Variants in LARGE1 observed in about 807,000 individuals in gnomAD.
The protein encoded by LARGE1 is LARGE xylosyl- and glucuronyltransferase 1.
Under a neutral mutation model 87.6 loss-of-function variants are expected in LARGE1, and 43 were observed. That is an observed-to-expected ratio of 0.49 (90% CI 0.38 to 0.63). The LOEUF (loss-of-function observed/expected upper bound fraction) is 0.63, where lower values mean the gene tolerates loss of function less well. Among genes scored for constraint, LARGE1 ranks in the 30% least tolerant of loss-of-function variants. The probability of loss-of-function intolerance (pLI) is 0.00; values close to 1 mark genes in which losing one functional copy is unlikely to be tolerated. For missense variants in LARGE1, 802 were observed against 1,000.2 expected (o/e 0.80, Z 2.67); for synonymous variants, 434 against 394.6 (o/e 1.10, Z -1.18).
intron 1 of LARGE1, among the ~76,000 whole-genome samples, chr22:33,799,266 C>T (rs1320355067): frequency 2.6e-5 from 4 of 152,012 alleles, no homozygotes; most frequent in Admixed American, 6.6e-5. Flanking sequence ...CATCTGGAGA[C>T]GGGCATACCA....
chr22:33,829,687 C>T (rs1222046774), intron 1 of LARGE1, among the ~76,000 whole-genome samples: 1 of 152,224 alleles, frequency 6.6e-6, no homozygotes, highest in East Asian at 1.9e-4. Flanking sequence ...CCTCCCTGCA[C>T]CTGCACTGCA....
At chr22:33,691,670 T>A (rs573954670) in intron 2 of LARGE1, among the ~76,000 whole-genome samples, 33 of 152,224 alleles carry the variant, frequency 2.2e-4, no homozygotes, top group Non-Finnish European at 4.4e-4. Flanking sequence ...TCCTGGACCA[T>A]CATGGCTGAT....
intron 1 of LARGE1, among the ~76,000 whole-genome samples, chr22:33,884,632 G>A (rs141270096): frequency 2.5e-4 from 38 of 152,342 alleles, no homozygotes; most frequent in African/African-American, 4.8e-4. Context: ...CCAGATTCTC[G>A]AGGTCACGGC....
intron 1 of LARGE1, among the ~76,000 whole-genome samples, chr22:33,833,190 G>C (rs551166546): frequency 3.3e-5 from 5 of 152,318 alleles, no homozygotes; most frequent in Non-Finnish European, 5.9e-5. Flanking sequence ...TGAAACTAAT[G>C]TAATACTGAA....
intron 5 of LARGE1, among the ~76,000 whole-genome samples, chr22:33,596,762 G>T (rs2078986710): frequency 6.6e-6 from 1 of 152,168 alleles, no homozygotes; most frequent in Non-Finnish European, 1.5e-5. Flanking sequence ...AGCCACATTA[G>T]GAACAAAAAG....
chr22:33,631,715 T>A (rs2080115610), intron 3 of LARGE1, among the ~76,000 whole-genome samples: 1 of 152,206 alleles, frequency 6.6e-6, no homozygotes, highest in Non-Finnish European at 1.5e-5. Flanking sequence ...TACACTAAAA[T>A]AATGATAGTA....
intron 9 of LARGE1, among the ~76,000 whole-genome samples, chr22:33,381,425 T>A (rs1350450546): frequency 6.6e-6 from 1 of 152,156 alleles, no homozygotes; most frequent in Non-Finnish European, 1.5e-5. Flanking sequence ...TGAGGAAGAA[T>A]GAGACATTTA....
chr22:33,132,971 C>T, the LARGE1 span, among the ~76,000 whole-genome samples: 1 of 152,148 alleles, frequency 6.6e-6, no homozygotes, highest in Non-Finnish European at 1.5e-5. Context: ...AAAGGTATTT[C>T]CCCTATTGGT....
At chr22:33,903,713 T>A (rs2065352372) in intron 1 of LARGE1, among the ~76,000 whole-genome samples, 1 of 152,008 alleles carries the variant, frequency 6.6e-6, no homozygotes, top group South Asian at 2.1e-4. Context: ...TGATCCCAGC[T>A]ACTTGGGAGG....
At chr22:33,687,817 C>T (rs952674789) in intron 2 of LARGE1, among the ~76,000 whole-genome samples, 2 of 152,194 alleles carry the variant, frequency 1.3e-5, no homozygotes, top group African/African-American at 4.8e-5. Context: ...GTGCTACCCA[C>T]TTAACAAGTA....
rs145852114 is a variant in LARGE1 at position 33,816,674 on chromosome 22, G to GGATGGATAGATAGATA, written c.-82-55117_-82-55116insTATCTATCTATCCATC. On this transcript the variant is annotated intron_variant, in intron 1 of 14. Transcript: ENST00000397394. ...CAGACAGACGGATGCACGGATGGATGGATAGATAGATAGATAGACAGACAG... is the reference window on the plus strand; with the variant it reads ...CAGACAGACGGATGCACGGATGGATGGATGGATAGATAGATAGATAGATAGATAGATAGACAGACAG... Among the ~76,000 whole-genome samples, 9 of 141,436 alleles carry GGATGGATAGATAGATA rather than the reference G, an allele frequency of 6.4e-5. No individual in the cohort carries two copies. The East Asian group carries it at 1.9e-3, about 30-fold the overall frequency. The allele number at this position is 141,436 out of a possible 152,430, so 92.8% of individuals were successfully genotyped here. A position where few individuals can be genotyped will look rare whatever the true frequency, so the allele number is the denominator to read the frequency against.
intron 11 of LARGE1, among the ~76,000 whole-genome samples, chr22:33,249,813 T>C (rs1926932169): frequency 6.6e-6 from 1 of 152,234 alleles, no homozygotes; most frequent in Non-Finnish European, 1.5e-5. Flanking sequence ...TCTGTTGTAT[T>C]GTACTTGCTC....
chr22:33,536,891 A>T (rs914492330), intron 6 of LARGE1, among the ~76,000 whole-genome samples: 11 of 152,196 alleles, frequency 7.2e-5, no homozygotes, highest in African/African-American at 2.4e-4. Flanking sequence ...AGCTCACTAC[A>T]ACCTCTGCCT....
chr22:33,521,949 A>G (rs1429663712), intron 6 of LARGE1, among the ~76,000 whole-genome samples: 2 of 152,180 alleles, frequency 1.3e-5, no homozygotes, highest in African/African-American at 4.8e-5. Context: ...AGGCAAAGGG[A>G]GAACAGGCAA....
intron 2 of LARGE1, among the ~76,000 whole-genome samples, chr22:33,683,189 A>T (rs2081834894): frequency 6.6e-6 from 1 of 152,234 alleles, no homozygotes; most frequent in South Asian, 2.1e-4. Context: ...TCTGGATGAG[A>T]TTAACATTTG....
At chr22:33,384,418 C>T in intron 7 of LARGE1, 114 bp from the exon 8 acceptor site, 1 of 797,404 alleles carries the variant, frequency 1.3e-6, no homozygotes, top group South Asian at 1.4e-5. Flanking sequence ...CTTATGCAGA[C>T]AAGAGGCCTA....
chr22:33,359,688 C>T (rs1305880130), intron 9 of LARGE1, among the ~76,000 whole-genome samples: 3 of 148,986 alleles, frequency 2.0e-5, no homozygotes, highest in Non-Finnish European at 4.5e-5. Context: ...CTCAGCTTCT[C>T]GAGTAGCTGG....
At chr22:33,229,709 T>C (rs1427755589) in intron 11 of LARGE1, among the ~76,000 whole-genome samples, 2 of 151,908 alleles carry the variant, frequency 1.3e-5, no homozygotes, top group Non-Finnish European at 2.9e-5. Flanking sequence ...TAGGAGGAAA[T>C]AGAAAGATGG....
At chr22:33,505,041 A>C (rs964979448) in intron 6 of LARGE1, among the ~76,000 whole-genome samples, 1 of 152,246 alleles carries the variant, frequency 6.6e-6, no homozygotes, top group African/African-American at 2.4e-5. Context: ...AGGCAACTAC[A>C]TCTCTAACTC....
Sources: gnomAD v4.1 joint callset for allele counts (sites outside exome capture counted in the v4.1 genomes callset) on GRCh38, gnomAD v4.1.1 for gene constraint, MANE v1.5 for transcripts, NCBI Gene and HGNC (gene_info 2026-07-23, HGNC 2026-07-21) for gene names.